Variants in NNT observed in about 807,000 individuals in gnomAD.
NNT encodes the protein NAD(P) transhydrogenase, mitochondrial.
NNT carries 50 observed loss-of-function variants against 104.8 expected under a neutral mutation model. The ratio of observed to expected loss-of-function variants is 0.48; its 90% CI spans 0.38 to 0.60. The LOEUF (loss-of-function observed/expected upper bound fraction) is 0.60. Among genes scored for constraint, NNT ranks in the 20% least tolerant of loss-of-function variants. The pLI is 0.00. For missense variants in NNT, 1,131 were observed against 1,330.7 expected (o/e 0.85, Z 2.33); for synonymous variants, 461 against 490.4 (o/e 0.94, Z 0.79).
At position 43,649,008 on chromosome 5, in the gene NNT, G is replaced by A. The variant is rs1238239721; in HGVS notation, c.1445-139G>A. The A allele has an allele frequency of 5.3e-5, 52 of 980,934 alleles. 1 individual carries two copies. The highest frequency in any genetic ancestry group is 1.6e-6 in the Non-Finnish European group (1 of 644,198). The allele number at this position is 980,934 out of a possible 1,614,324, so 60.8% of individuals were successfully genotyped here. On this transcript the variant is annotated intron_variant, in intron 10 of 21. Transcript: ENST00000344920. ...TCCCCCCACTTCTCAACTGTCAAATGTCTAAAAAATCTGCTCATTACTGGC... is the reference window on the plus strand; with the variant it reads ...TCCCCCCACTTCTCAACTGTCAAATATCTAAAAAATCTGCTCATTACTGGC...
chr5:43,609,326 G>C lies in NNT; in HGVS notation c.131G>C (p.Cys44Ser). Residue 44 changes from cysteine to serine, a missense_variant, in exon 2 of 22, where the codon TGT (cysteine) becomes TCT (serine). By Grantham distance (112) the Cys-to-Ser change is moderately radical. Transcript: ENST00000344920. ...TTTTATACTCACCAAGAACTGTGGT[G>C]TAAAGCGCCTGTAAAACCAGGTAAA... ...RTFYTHQELW[C>S]KAPVKPGIPY... 1 of 1,613,872 alleles carries C rather than the reference G, an allele frequency of 6.2e-7. No individual in the cohort carries two copies. Among genetic ancestry groups the C allele is most frequent in the Non-Finnish European group, 8.5e-7 (1 of 1,179,902 alleles).
At position 43,645,477 on chromosome 5, in the gene NNT, A is replaced by G. The variant is rs1249893959; in HGVS notation, c.1411A>G (p.Lys471Glu). The G allele has an allele frequency of 2.6e-6, 4 of 1,567,712 alleles. No homozygotes were observed. Among genetic ancestry groups the G allele is most frequent in the Non-Finnish European group, 3.5e-6 (4 of 1,155,704 alleles). ...EKAATITPFR[K>E]TMSTASAYTA... ...AGCAGCTACCATTACACCCTTCAGG[A>G]AGACAATGTCAACGGCTTCTGCATA... Residue 471 changes from lysine to glutamate, a missense_variant, in exon 10 of 22, where the codon AAG (lysine) becomes GAG (glutamate). Coordinates refer to ENST00000344920, the MANE Select transcript of NNT (RefSeq NM_182977.3).
rs752491210 is a variant in NNT, at chr5:43,615,958, A to G, written c.492A>G (p.Leu164=). 2 of 1,614,214 alleles carry G rather than the reference A, an allele frequency of 1.2e-6. No individual in the cohort carries two copies. The highest frequency in any genetic ancestry group is 1.7e-6 in the Non-Finnish European group (2 of 1,180,028). The change falls in exon 4 of 22, where the codon CTA becomes CTG. Residue 164 remains leucine (L), a synonymous_variant. Coordinates refer to ENST00000344920, the MANE Select transcript of NNT (RefSeq NM_182977.3). ...ACCCAGCCCAAAATCCAGAGTTGCT[A>G]AATAAACTTTCCCAAAGAAAAACTA... is the stretch of plus-strand genomic sequence containing the variant. The part of the protein sequence containing the change: ...FIYPAQNPEL[L]NKLSQRKTTV...
intron 19 of NNT, among the ~76,000 whole-genome samples, chr5:43,687,369 A>G (rs994719369): frequency 1.3e-5 from 2 of 152,166 alleles, no homozygotes; most frequent in African/African-American, 2.4e-5. Context: ...TAGGCTTTGC[A>G]TGTTGAAATT....
intron 19 of NNT, among the ~76,000 whole-genome samples, chr5:43,678,162 T>C (rs1741519402): frequency 6.6e-6 from 1 of 152,182 alleles, no homozygotes; most frequent in African/African-American, 2.4e-5. Flanking sequence ...TCCTTGTCTT[T>C]ACGTTGAGTG....
In NNT at chr5:43,644,622, C is replaced by T. The variant is rs750312552; in HGVS notation, c.1110C>T (p.His370=). The change falls in exon 9 of 22, where the codon CAC becomes CAT. Residue 370 remains histidine, a synonymous_variant. Coordinates refer to ENST00000344920, the MANE Select transcript of NNT (RefSeq NM_182977.3). Reference sequence around the variant, plus strand: ...TTTTGTTCATTTAGGGAATTACTCACATAGGCTACACAGACCTGCCCAGCC... The same window carrying T: ...TTTTGTTCATTTAGGGAATTACTCATATAGGCTACACAGACCTGCCCAGCC... ...GELYIHKGIT[H]IGYTDLPSRM... is the part of the protein sequence containing the mutation. 6.2e-7 allele frequency: 1 copy of T among 1,609,064 alleles called. No homozygotes were observed. The highest frequency in any genetic ancestry group is 8.5e-7 in the Non-Finnish European group (1 of 1,178,328).
intron 2 of NNT, among the ~76,000 whole-genome samples, chr5:43,611,078 C>CCCTCCCTCCCTCCCTG (rs1239379270): frequency 7.5e-6 from 1 of 133,830 alleles, no homozygotes; most frequent in Non-Finnish European, 1.6e-5. Flanking sequence ...TTTCCTTCCT[C>CCCTCCCTCCCTCCCTG]CCTCCCTCCC....
intron 5 of NNT, 92 bp downstream of exon 5, chr5:43,619,211 A>G (rs1238441361): frequency 1.2e-5 from 7 of 582,784 alleles, no homozygotes; most frequent in Non-Finnish European, 1.9e-5. Flanking sequence ...AAAAATTTTT[A>G]TATGTTAACC....
chr5:43,666,968 C>A (rs1740735754), intron 17 of NNT: 2 of 1,593,354 alleles, frequency 1.3e-6, no homozygotes, highest in Non-Finnish European at 8.5e-7. Context: ...TTGCGGCTGA[C>A]ACCCTTTGGG....
intron 19 of NNT, among the ~76,000 whole-genome samples, chr5:43,690,627 C>T (rs1742219553): frequency 1.3e-5 from 2 of 152,192 alleles, no homozygotes; most frequent in Admixed American, 6.5e-5. Flanking sequence ...ATCCTGGGCT[C>T]CCTCTAAGCT....
In NNT at chr5:43,619,100, G is replaced by A; in HGVS notation, c.668G>A (p.Gly223Glu). The change falls in exon 5 of 22, where the codon GGA (glycine) becomes GAA (glutamate). Residue 223 changes from glycine (G) to glutamate (E), a missense_variant. By Grantham distance (98) the Gly-to-Glu change is moderately conservative. Transcript: ENST00000344920. ...TTTACTGGTCAGATCACAGCTGCTG[G>A]AAAAGTTCCTCCAGCTAAGGTAGGT... is the stretch of plus-strand genomic sequence containing the variant. ...RFFTGQITAA[G>E]KVPPAKILIV... 1 of 1,548,176 alleles carries A rather than the reference G, an allele frequency of 6.5e-7. No homozygotes were observed. The highest frequency in any genetic ancestry group is 8.7e-7 in the Non-Finnish European group (1 of 1,145,198).
In NNT at chr5:43,656,004, G is replaced by T; in HGVS notation, c.2224G>T (p.Ala742Ser). 6.2e-7 allele frequency: 1 copy of T among 1,614,202 alleles called. No individual in the cohort carries two copies. Among genetic ancestry groups the T allele is most frequent in the Non-Finnish European group, 8.5e-7 (1 of 1,180,034 alleles). The part of the protein sequence containing the change: ...DAAANLTKIV[A>S]YLGTYIGGVT... Reference sequence around the variant, plus strand: ...AGCAGCAAATCTCACCAAGATTGTGGCCTACCTCGGCACTTACATTGGTGG... The same window carrying T: ...AGCAGCAAATCTCACCAAGATTGTGTCCTACCTCGGCACTTACATTGGTGG... The change falls in exon 15 of 22, where the codon GCC becomes TCC. Residue 742 changes from alanine to serine, a missense_variant. By Grantham distance (99) the Ala-to-Ser change is moderately conservative. Coordinates refer to ENST00000344920, the MANE Select transcript of NNT (RefSeq NM_182977.3).
At chr5:43,673,616 G>A (rs537804567) in intron 17 of NNT, among the ~76,000 whole-genome samples, 16 of 152,298 alleles carry the variant, frequency 1.1e-4, no homozygotes, top group Admixed American at 4.6e-4. Flanking sequence ...TGTTTGGGAC[G>A]TCTCAGATGT....
intron 19 of NNT, among the ~76,000 whole-genome samples, chr5:43,690,222 G>A (rs1052716191): frequency 1.3e-5 from 2 of 151,860 alleles, no homozygotes; most frequent in Admixed American, 6.6e-5. Context: ...AAGCCTTCTC[G>A]ATATCTTGAT....
chr5:43,664,908 C>T (rs558357243), intron 17 of NNT, among the ~76,000 whole-genome samples: 25 of 152,260 alleles, frequency 1.6e-4, no homozygotes, highest in African/African-American at 6.0e-4. Flanking sequence ...ACATGTTTAA[C>T]AAGTTGACTA....
At chr5:43,609,464 A>G (rs1749393738) in intron 2 of NNT, 118 bp downstream of exon 2, 4 of 922,658 alleles carry the variant, frequency 4.3e-6, no homozygotes, top group Admixed American at 2.8e-5. Flanking sequence ...GTGAGTGATC[A>G]TTTTAAACAA....
At chr5:43,636,222 C>G (rs1255610182) in intron 7 of NNT, among the ~76,000 whole-genome samples, 1 of 152,144 alleles carries the variant, frequency 6.6e-6, no homozygotes, top group East Asian at 1.9e-4. Flanking sequence ...TATTGTAATT[C>G]TTTCTTCCAT....
At chr5:43,617,881 G>A (rs1749870579) in intron 4 of NNT, among the ~76,000 whole-genome samples, 1 of 152,124 alleles carries the variant, frequency 6.6e-6, no homozygotes, top group Non-Finnish European at 1.5e-5. Context: ...GCTCCAGTGT[G>A]ATTAACTTAA....
At chr5:43,659,926 T>G (rs1194216686) in intron 17 of NNT, among the ~76,000 whole-genome samples, 1 of 152,232 alleles carries the variant, frequency 6.6e-6, no homozygotes, top group Admixed American at 6.5e-5. Context: ...TATTTCCTTA[T>G]GTATGGCATA....
Sources: allele counts gnomAD v4.1 joint callset (sites outside exome capture counted in the v4.1 genomes callset), GRCh38; gene constraint gnomAD v4.1.1; transcripts MANE v1.5; gene names NCBI Gene and HGNC (gene_info 2026-07-23, HGNC 2026-07-21).